The following ECT2 variants were observed in gnomAD, a reference collection of about 807,000 sequenced individuals.
The protein encoded by ECT2 is epithelial cell transforming 2, also known as protein ECT2.
In ECT2, 61 loss-of-function variants were observed where a neutral mutation model predicts 116.9. The ratio of observed to expected loss-of-function variants is 0.52; its 90% CI spans 0.42 to 0.65. The LOEUF is 0.65. Ranked by LOEUF, ECT2 falls within the 30% of genes least tolerant of loss-of-function variation. The pLI, the probability that ECT2 is intolerant of heterozygous loss-of-function variation, is 0.00. For missense variants in ECT2, 937 were observed against 1,078.7 expected, an observed-to-expected ratio of 0.87 and a Z score of 1.84; for synonymous variants, 358 against 346.4, an observed-to-expected ratio of 1.03 and a Z score of -0.37.
chr3:172,814,686 TAAC>T (rs1729387653), intron 22 of ECT2, among the ~76,000 whole-genome samples: 1 of 152,174 alleles, frequency 6.6e-6, no homozygotes, highest in African/African-American at 2.4e-5. Flanking sequence ...AATTGACACA[TAAC>T]TACATATTTA....
At chr3:172,761,777 T>C (rs1347352672) in intron 8 of ECT2, 94 bp downstream of exon 8, 39 of 796,118 alleles carry the variant, frequency 4.9e-5, no homozygotes, top group East Asian at 2.7e-5. Context: ...TTCATAGATA[T>C]AAAAACTGAA....
intron 13 of ECT2, 113 bp downstream of exon 13, chr3:172,769,256 G>T: frequency 9.4e-7 from 1 of 1,068,218 alleles, no homozygotes. Context: ...TTTGAACATG[G>T]ATGTTAAAAA....
At chr3:172,775,727 G>A (rs369751490) in intron 14 of ECT2, among the ~76,000 whole-genome samples, 4 of 150,822 alleles carry the variant, frequency 2.7e-5, no homozygotes, top group East Asian at 2.0e-4. Flanking sequence ...TCTGCCTCCC[G>A]GGTTCAAGTG....
intron 23 of ECT2, 136 bp downstream of exon 23, chr3:172,815,847 A>C (rs1729601681): frequency 1.6e-6 from 1 of 632,992 alleles, no homozygotes. Flanking sequence ...GAAATGACCC[A>C]CAGAAACAAT....
At chr3:172,814,489 A>T (rs1403219785) in intron 22 of ECT2, among the ~76,000 whole-genome samples, 1 of 152,102 alleles carries the variant, frequency 6.6e-6, no homozygotes, top group African/African-American at 2.4e-5. Flanking sequence ...CATAGCCTAG[A>T]TTTATAAATT....
intron 18 of ECT2, among the ~76,000 whole-genome samples, chr3:172,796,037 GGA>G (rs529670772): frequency 1.3e-5 from 2 of 151,850 alleles, no homozygotes; most frequent in Non-Finnish European, 2.9e-5. Context: ...AACCAGTGTG[GGA>G]GAGAGAGAGA....
intron 14 of ECT2, among the ~76,000 whole-genome samples, chr3:172,778,695 A>G (rs961883108): frequency 1.2e-4 from 18 of 148,730 alleles, no homozygotes; most frequent in African/African-American, 4.0e-4. Context: ...TGCCGGGTTC[A>G]AGCAATTCTC....
intron 23 of ECT2, 60 bp downstream of exon 23, chr3:172,815,771 A>C (rs1729589119): frequency 5.5e-6 from 6 of 1,089,132 alleles, no homozygotes; most frequent in Non-Finnish European, 8.2e-6. Flanking sequence ...GACTATATTC[A>C]AATAATATTG....
chr3:172,789,503 C>T (rs980396755), intron 18 of ECT2, among the ~76,000 whole-genome samples: 3 of 152,104 alleles, frequency 2.0e-5, no homozygotes, highest in Admixed American at 1.3e-4. Flanking sequence ...CACAGCCGGC[C>T]GGCACTTTGT....
At chr3:172,784,890 A>G (rs1357261728) in intron 17 of ECT2, 87 bp downstream of exon 17, 2 of 851,674 alleles carry the variant, frequency 2.3e-6, no homozygotes, top group Non-Finnish European at 3.6e-6. Context: ...TCATTTTTAG[A>G]GTTTCTTAGA....
intron 18 of ECT2, among the ~76,000 whole-genome samples, chr3:172,798,693 G>C (rs934964298): frequency 6.6e-6 from 1 of 152,132 alleles, no homozygotes; most frequent in African/African-American, 2.4e-5. Flanking sequence ...GTATGCTTTT[G>C]TAAATATAGA....
intron 6 of ECT2, among the ~76,000 whole-genome samples, chr3:172,759,276 G>C (rs1040089276): frequency 2.6e-5 from 4 of 152,106 alleles, no homozygotes; most frequent in Non-Finnish European, 5.9e-5. Flanking sequence ...TGGCTGATGT[G>C]AATTAATAGA....
chr3:172,813,006 A>G (rs1560026041), intron 22 of ECT2, among the ~76,000 whole-genome samples: 1 of 152,112 alleles, frequency 6.6e-6, no homozygotes, highest in Admixed American at 6.6e-5. Flanking sequence ...CAGAGCTTGA[A>G]TCACATTCCT....
chr3:172,776,442 G>A (rs1260839593), intron 14 of ECT2, among the ~76,000 whole-genome samples: 1 of 151,922 alleles, frequency 6.6e-6, no homozygotes, highest in Non-Finnish European at 1.5e-5. Flanking sequence ...CTAAAATTTT[G>A]GGTTTTTTTC....
intron 14 of ECT2, among the ~76,000 whole-genome samples, chr3:172,776,198 CTTTT>C (rs60558773): frequency 4.5e-5 from 5 of 111,598 alleles, no homozygotes; most frequent in Non-Finnish European, 5.4e-5. Context: ...TCAGTTTTTT[CTTTT>C]TTTTTTTTTT....
Position 172,802,601 on chromosome 3 carries a change from A to T in ECT2, c.1908-15A>T, listed in dbSNP as rs980894087. On this transcript the variant is annotated splice_polypyrimidine_tract_variant and intron_variant, in intron 18 of 24. Coordinates refer to ENST00000392692, the MANE Select transcript of ECT2 (RefSeq NM_001258315.2). ...ATGTTCTATTTTAAAAGTTTTAAAA[A>T]TAACTATTTTTCAGGCATATTAATG... The T allele has an allele frequency of 6.7e-7, 1 of 1,486,598 alleles. No homozygotes were observed. Among genetic ancestry groups the T allele is most frequent in the African/African-American group, 1.4e-5 (1 of 70,518 alleles). 92.1% of individuals were successfully genotyped at this position (1,486,598 alleles called of 1,614,324 possible). A position where few individuals can be genotyped will look rare whatever the true frequency, so the allele number is the denominator to read the frequency against.
At chr3:172,754,891 T>G (rs1716650425) in intron 2 of ECT2, among the ~76,000 whole-genome samples, 3 of 152,138 alleles carry the variant, frequency 2.0e-5, no homozygotes, top group African/African-American at 7.2e-5. Context: ...GATATTCCTT[T>G]TTCTGTATGT....
In ECT2 at chr3:172,769,235, T is replaced by C. The variant is rs990637551; in HGVS notation, c.1428+92T>C. ...TATTGTTTCTTACGAGAAAATTATA[T>C]AAACATAGTATTTGAACATGGATGT... On this transcript the variant is annotated intron_variant, in intron 13 of 24. Transcript: ENST00000392692. 5.7e-5 allele frequency: 71 copies of C among 1,243,764 alleles called. No homozygotes were observed. In the African/African-American group the frequency reaches 8.0e-4, roughly 14 times the overall value. 77.0% of individuals were successfully genotyped at this position (1,243,764 alleles called of 1,614,324 possible). A position where few individuals can be genotyped will look rare whatever the true frequency, so the allele number is the denominator to read the frequency against.
chr3:172,788,956 G>T (rs534545181), intron 18 of ECT2, among the ~76,000 whole-genome samples: 16 of 151,542 alleles, frequency 1.1e-4, no homozygotes, highest in African/African-American at 3.9e-4. Context: ...TACTTGGGAG[G>T]CTGAGGCATG....
Sources: allele counts gnomAD v4.1 joint callset (sites outside exome capture counted in the v4.1 genomes callset), GRCh38; gene constraint gnomAD v4.1.1; transcripts MANE v1.5; gene names NCBI Gene and HGNC (gene_info 2026-07-23, HGNC 2026-07-21).